The following NXPE2 variants were observed in gnomAD, a reference collection of about 807,000 sequenced individuals.
NXPE2 encodes the protein neurexophilin and PC-esterase domain family member 2.
In NXPE2, 34 loss-of-function variants were observed where a neutral mutation model predicts 34.4. The observed-to-expected ratio is 0.99, with a 90% CI of 0.75 to 1.31. NXPE2 has a LOEUF of 1.31. Among genes scored for constraint, NXPE2 ranks in the 40% most tolerant of loss-of-function variants. NXPE2 has a pLI of 0.00. For missense variants in NXPE2, 649 were observed against 672.5 expected, an observed-to-expected ratio of 0.97 and a Z score of 0.39; for synonymous variants, 235 against 231.3, an observed-to-expected ratio of 1.02 and a Z score of -0.15.
At chr11:114,690,162 A>G (rs922921994) in intron 2 of NXPE2, among the ~76,000 whole-genome samples, 2 of 152,102 alleles carry the variant, frequency 1.3e-5, no homozygotes, top group Non-Finnish European at 2.9e-5. Context: ...TGTAGTTTCA[A>G]TTGAGGGGTT....
At chr11:114,504,282 C>T in the NXPE2 span, among the ~76,000 whole-genome samples, 1 of 152,134 alleles carries the variant, frequency 6.6e-6, no homozygotes, top group African/African-American at 2.4e-5. Flanking sequence ...TTGCACAAAT[C>T]CTGTACTGAA....
the NXPE2 span, among the ~76,000 whole-genome samples, chr11:114,670,762 A>G: frequency 6.6e-6 from 1 of 151,956 alleles, no homozygotes; most frequent in Non-Finnish European, 1.5e-5. Context: ...GGAGATCAGT[A>G]TATAAATTTG....
intron 2 of NXPE2, among the ~76,000 whole-genome samples, chr11:114,688,281 T>A (rs191572303): frequency 3.4e-4 from 52 of 152,162 alleles, no homozygotes; most frequent in African/African-American, 1.2e-3. Flanking sequence ...TTGTTGAAGG[T>A]TTTTTATCAT....
chr11:114,710,583 C>T (rs1025250687), downstream of NXPE2, among the ~76,000 whole-genome samples: 1 of 152,032 alleles, frequency 6.6e-6, no homozygotes, highest in Non-Finnish European at 1.5e-5. Context: ...ACTGAGAGGA[C>T]ATTGAAACAG....
At chr11:114,530,208 T>C in the NXPE2 span, 2 of 1,611,876 alleles carry the variant, frequency 1.2e-6, no homozygotes, top group African/African-American at 2.7e-5. Context: ...GTCTGTAAGA[T>C]AAGATACCTC....
chr11:114,577,047 A>T, the NXPE2 span, among the ~76,000 whole-genome samples: 1 of 41,948 alleles, frequency 2.4e-5, no homozygotes, highest in Non-Finnish European at 4.3e-5. Context: ...ATATAAAGTT[A>T]TATATATATA....
At chr11:114,630,282 G>T in the NXPE2 span, among the ~76,000 whole-genome samples, 1 of 151,700 alleles carries the variant, frequency 6.6e-6, no homozygotes, top group African/African-American at 2.4e-5. Context: ...ATACTAAAAG[G>T]CTACAGTAAC....
At chr11:114,735,010 CG>C in the NXPE2 span, among the ~76,000 whole-genome samples, 1 of 151,880 alleles carries the variant, frequency 6.6e-6, no homozygotes, top group South Asian at 2.1e-4. Flanking sequence ...CTCGGGAGGC[CG>C]AAGCAGGAGA....
the NXPE2 span, among the ~76,000 whole-genome samples, chr11:114,662,535 GA>G: frequency 6.6e-6 from 1 of 152,130 alleles, no homozygotes; most frequent in African/African-American, 2.4e-5. Context: ...GTGGACTGGG[GA>G]GCACACAACT....
chr11:114,510,407 AT>A, the NXPE2 span, among the ~76,000 whole-genome samples: 1 of 151,758 alleles, frequency 6.6e-6, no homozygotes, highest in East Asian at 1.9e-4. Flanking sequence ...CTAATTTTTA[AT>A]TTTTTTTCAT....
chr11:114,568,201 TA>T, the NXPE2 span, among the ~76,000 whole-genome samples: 3 of 152,050 alleles, frequency 2.0e-5, no homozygotes, highest in African/African-American at 4.8e-5. Flanking sequence ...TTTCTTTTCT[TA>T]AAAAAAATCT....
chr11:114,663,971 T>A, the NXPE2 span, among the ~76,000 whole-genome samples: 1 of 152,106 alleles, frequency 6.6e-6, no homozygotes, highest in African/African-American at 2.4e-5. Context: ...TGCAGACACT[T>A]CAAAACAGTT....
the NXPE2 span, among the ~76,000 whole-genome samples, chr11:114,670,528 C>CA: frequency 6.6e-6 from 1 of 151,680 alleles, no homozygotes; most frequent in African/African-American, 2.4e-5. Context: ...ATCATCTCTA[C>CA]AAAAAATTAA....
the NXPE2 span, among the ~76,000 whole-genome samples, chr11:114,797,565 C>G: frequency 1.3e-5 from 2 of 152,294 alleles, no homozygotes; most frequent in Non-Finnish European, 2.9e-5. Context: ...AGGCTCAGCA[C>G]CCTTTCCCTC....
the NXPE2 span, among the ~76,000 whole-genome samples, chr11:114,725,976 A>AAAATATATATATATATAT: frequency 2.9e-4 from 29 of 101,754 alleles, no homozygotes; most frequent in Admixed American, 7.7e-4. Context: ...ATAAAAAAAA[A>AAAATATATATATATATAT]ATATATATAT....
chr11:114,718,020 TTC>T, the NXPE2 span, among the ~76,000 whole-genome samples: 1 of 152,232 alleles, frequency 6.6e-6, no homozygotes, highest in African/African-American at 2.4e-5. Flanking sequence ...GCTGTTATTT[TTC>T]TCTGTGTCTA....
At chr11:114,577,607 A>G in the NXPE2 span, among the ~76,000 whole-genome samples, 1 of 152,188 alleles carries the variant, frequency 6.6e-6, no homozygotes, top group Non-Finnish European at 1.5e-5. Flanking sequence ...CGTGCACGCC[A>G]CCTTATAGAA....
rs558035279 is a variant in NXPE2, at chr11:114,698,645, A to G, written c.733A>G (p.Met245Val). 2 of 1,614,074 alleles carry G rather than the reference A, an allele frequency of 1.2e-6. No individual in the cohort carries two copies. The highest frequency in any genetic ancestry group is 1.3e-5 in the African/African-American group (1 of 74,930). Residue 245 changes from methionine (M) to valine (V), a missense_variant, in exon 3 of 6, where the codon ATG becomes GTG. Transcript: ENST00000389586. ...CACAAATGCTGAACTGTGCCAGTAC[A>G]TGGATGACAGAGACCAAGAAGCCTT... Reference protein sequence around the residue: ...LNTNAELCQYMDDRDQEAFYC... With the variant: ...LNTNAELCQYVDDRDQEAFYC...
chr11:114,593,788 G>GACA, the NXPE2 span, among the ~76,000 whole-genome samples: 8 of 152,016 alleles, frequency 5.3e-5, no homozygotes, highest in African/African-American at 1.9e-4. Context: ...TCCATCAACA[G>GACA]ACAAATACAT....
Sources: allele counts gnomAD v4.1 joint callset (sites outside exome capture counted in the v4.1 genomes callset), GRCh38; gene constraint gnomAD v4.1.1; transcripts MANE v1.5; gene names NCBI Gene and HGNC (gene_info 2026-07-23, HGNC 2026-07-21).